Variants in CSMD1 observed in about 807,000 individuals in gnomAD.
CSMD1 encodes the protein CUB and sushi domain-containing protein 1.
A neutral mutation model predicts 417.5 loss-of-function variants in CSMD1; 213 were observed. The ratio of observed to expected loss-of-function variants is 0.51; its 90% CI spans 0.46 to 0.57. The LOEUF (loss-of-function observed/expected upper bound fraction) is 0.57. Among genes scored for constraint, CSMD1 ranks in the 20% least tolerant of loss-of-function variants. The pLI is 0.00. For synonymous variants in CSMD1, 2,862 were observed against 1,736.8 expected (o/e 1.65, Z -16.11); for missense variants, 6,923 against 4,529.7 (o/e 1.53, Z -15.17).
chr8:4,305,039 C>A (rs949546133), intron 3 of CSMD1, among the ~76,000 whole-genome samples: 1 of 152,190 alleles, frequency 6.6e-6, no homozygotes, highest in African/African-American at 2.4e-5. Flanking sequence ...ACGTTAGAGT[C>A]CCTTTTCAAC....
chr8:4,961,028 T>C (rs891905249), intron 1 of CSMD1, among the ~76,000 whole-genome samples: 6 of 152,112 alleles, frequency 3.9e-5, no homozygotes, highest in African/African-American at 1.4e-4. Context: ...TACAGAAAGA[T>C]TCTTCCTCTT....
chr8:3,328,214 C>T (rs17079992), intron 23 of CSMD1, among the ~76,000 whole-genome samples: 7,629 of 152,278 alleles, frequency 0.05, 281 homozygotes, highest in East Asian at 0.18. Flanking sequence ...TGTGTCTGAG[C>T]CTCTAATCTG....
intron 2 of CSMD1, among the ~76,000 whole-genome samples, chr8:4,480,312 G>A (rs770002707): frequency 1.3e-5 from 2 of 152,052 alleles, no homozygotes; most frequent in Non-Finnish European, 2.9e-5. Context: ...CACTTAACCT[G>A]TGTGTTTCTG....
At chr8:3,339,564 G>A (rs557022719) in intron 23 of CSMD1, among the ~76,000 whole-genome samples, 4 of 152,258 alleles carry the variant, frequency 2.6e-5, no homozygotes, top group Non-Finnish European at 5.9e-5. Flanking sequence ...AATAATTGAC[G>A]AAGCTGGTCC....
chr8:4,758,852 G>C (rs950860441), intron 1 of CSMD1, among the ~76,000 whole-genome samples: 16 of 152,052 alleles, frequency 1.1e-4, no homozygotes, highest in African/African-American at 3.6e-4. Flanking sequence ...TCAAAACCTG[G>C]GGATTACAAT....
intron 3 of CSMD1, among the ~76,000 whole-genome samples, chr8:4,134,818 T>C (rs1372556025): frequency 2.6e-5 from 4 of 152,190 alleles, no homozygotes; most frequent in Non-Finnish European, 1.5e-5. Flanking sequence ...ACAAATTTTG[T>C]CCTTGGCCTT....
chr8:4,462,618 C>A (rs959538625), intron 2 of CSMD1, among the ~76,000 whole-genome samples: 2 of 152,144 alleles, frequency 1.3e-5, no homozygotes, highest in Non-Finnish European at 2.9e-5. Flanking sequence ...GATCATGATT[C>A]CATTATGCTT....
chr8:3,283,357 T>G (rs1223999717), intron 26 of CSMD1, among the ~76,000 whole-genome samples: 1 of 152,062 alleles, frequency 6.6e-6, no homozygotes, highest in Non-Finnish European at 1.5e-5. Context: ...GAAGATAGGC[T>G]CTACATTTAT....
chr8:3,592,787 G>A (rs377207499), intron 8 of CSMD1, among the ~76,000 whole-genome samples: 5 of 152,124 alleles, frequency 3.3e-5, no homozygotes, highest in African/African-American at 1.2e-4. Context: ...CACAGCACAC[G>A]TTAAAAGTTA....
At chr8:3,408,306 G>A (rs887973638) in intron 13 of CSMD1, 81 bp from the exon 14 acceptor site, 17 of 1,093,242 alleles carry the variant, frequency 1.6e-5, no homozygotes, top group East Asian at 2.6e-5. Context: ...CTAAGAACCT[G>A]GAAAGGCAAT....
At chr8:3,170,151 G>C (rs756580337) in intron 37 of CSMD1, among the ~76,000 whole-genome samples, 4 of 152,228 alleles carry the variant, frequency 2.6e-5, no homozygotes, top group East Asian at 1.9e-4. Context: ...GCTTTGCTGA[G>C]AAATCCTGTT....
chr8:4,429,818 G>C (rs957229980), intron 2 of CSMD1, among the ~76,000 whole-genome samples: 2 of 152,076 alleles, frequency 1.3e-5, no homozygotes, highest in Non-Finnish European at 2.9e-5. Flanking sequence ...TCATACCCAG[G>C]ATCTCATTGG....
At chr8:4,377,344 A>C (rs918407553) in intron 3 of CSMD1, among the ~76,000 whole-genome samples, 1 of 152,178 alleles carries the variant, frequency 6.6e-6, no homozygotes, top group African/African-American at 2.4e-5. Context: ...CTTAGAGCTT[A>C]CTAATTTGGC....
chr8:3,921,335 C>G (rs904987403), intron 5 of CSMD1, among the ~76,000 whole-genome samples: 13 of 151,830 alleles, frequency 8.6e-5, no homozygotes, highest in Non-Finnish European at 1.2e-4. Context: ...TTTGTCTATC[C>G]TTTCATAAAA....
chr8:4,928,518 G>C (rs896963513), intron 1 of CSMD1, among the ~76,000 whole-genome samples: 1 of 152,138 alleles, frequency 6.6e-6, no homozygotes, highest in South Asian at 2.1e-4. Flanking sequence ...TGGCCCTCCT[G>C]AACTTCAGCT....
At chr8:4,479,382 A>T (rs1800968553) in intron 2 of CSMD1, among the ~76,000 whole-genome samples, 1 of 152,174 alleles carries the variant, frequency 6.6e-6, no homozygotes, top group Admixed American at 6.5e-5. Flanking sequence ...AATTGATTAT[A>T]GTTAGCAGGT....
intron 7 of CSMD1, among the ~76,000 whole-genome samples, chr8:3,702,994 C>T (rs1800953256): frequency 6.6e-6 from 1 of 152,124 alleles, no homozygotes; most frequent in South Asian, 2.1e-4. Context: ...TAATATTGCC[C>T]ATTTACATTG....
chr8:4,351,920 G>C (rs904010882), intron 3 of CSMD1, among the ~76,000 whole-genome samples: 5 of 149,280 alleles, frequency 3.3e-5, no homozygotes, highest in South Asian at 2.1e-4. Context: ...TAGAAACACT[G>C]ACATTCAAGG....
At chr8:3,406,291 G>T (rs10110730) in intron 14 of CSMD1, 70 bp from the exon 15 acceptor site, 88,831 of 1,287,756 alleles carry the variant, frequency 0.069, 3,377 homozygotes, top group Non-Finnish European at 0.077. Context: ...TAAAAAAGAA[G>T]AAAACAGAAC....
Sources: gnomAD v4.1 joint callset for allele counts (sites outside exome capture counted in the v4.1 genomes callset) on GRCh38, gnomAD v4.1.1 for gene constraint, MANE v1.5 for transcripts, NCBI Gene and HGNC (gene_info 2026-07-23, HGNC 2026-07-21) for gene names.